SUMF1: variants seen among roughly 807,000 people sequenced by gnomAD.
The protein encoded by SUMF1 is sulfatase modifying factor 1, also known as formylglycine-generating enzyme.
A neutral mutation model predicts 47.6 loss-of-function variants in SUMF1; 48 were observed. The ratio of observed to expected loss-of-function variants is 1.01; its 90% CI spans 0.80 to 1.28. The LOEUF (loss-of-function observed/expected upper bound fraction) is 1.28, where lower values mean the gene tolerates loss of function less well. Among genes scored for constraint, SUMF1 ranks in the 50% most tolerant of loss-of-function variants. The pLI is 0.00. For missense variants in SUMF1, 571 were observed against 485.4 expected (o/e 1.18, Z -1.66); for synonymous variants, 230 against 192.1 (o/e 1.20, Z -1.63).
intron 8 of SUMF1, among the ~76,000 whole-genome samples, chr3:4,208,986 G>T (rs993084396): frequency 1.3e-5 from 2 of 152,114 alleles, no homozygotes; most frequent in African/African-American, 4.8e-5. Flanking sequence ...TGTCAGCTTT[G>T]TCTGGCTTCA....
chr3:4,285,278 C>T (rs1279469038), intron 8 of SUMF1, among the ~76,000 whole-genome samples: 2 of 152,134 alleles, frequency 1.3e-5, no homozygotes, highest in Non-Finnish European at 1.5e-5. Flanking sequence ...ATAATACTTG[C>T]ATTACTCCTA....
chr3:4,278,384 T>C (rs575992347), intron 8 of SUMF1, among the ~76,000 whole-genome samples: 9 of 152,232 alleles, frequency 5.9e-5, no homozygotes, highest in Admixed American at 1.3e-4. Context: ...TTACCTTTAA[T>C]GAAAGGTCAT....
chr3:4,074,809 T>A (rs1290285379), intron 8 of SUMF1, among the ~76,000 whole-genome samples: 2 of 152,064 alleles, frequency 1.3e-5, no homozygotes, highest in Non-Finnish European at 2.9e-5. Context: ...AATCTCTGAA[T>A]AGACCAATGA....
intron 2 of SUMF1, among the ~76,000 whole-genome samples, chr3:4,450,474 A>C (rs1395359903): frequency 6.6e-6 from 1 of 152,122 alleles, no homozygotes; most frequent in East Asian, 1.9e-4. Context: ...TTCTTCCTGC[A>C]TTCCCTTGTG....
At chr3:4,041,277 G>A (rs1192925746) in intron 9 of SUMF1, among the ~76,000 whole-genome samples, 1 of 152,084 alleles carries the variant, frequency 6.6e-6, no homozygotes, top group Admixed American at 6.6e-5. Context: ...TCACCATGTT[G>A]GCCAGGCTGG....
intron 8 of SUMF1, among the ~76,000 whole-genome samples, chr3:4,138,081 ATACT>A (rs1192204419): frequency 2.0e-5 from 3 of 152,076 alleles, no homozygotes; most frequent in Non-Finnish European, 4.4e-5. Context: ...AAAAAATAAA[ATACT>A]TAGGAATAAA....
chr3:4,183,571 G>A (rs1180368532), intron 8 of SUMF1, among the ~76,000 whole-genome samples: 2 of 152,128 alleles, frequency 1.3e-5, no homozygotes, highest in African/African-American at 4.8e-5. Context: ...AATTTAATTT[G>A]AGAGTTAACT....
chr3:4,040,790 G>A (rs553225509), intron 9 of SUMF1, among the ~76,000 whole-genome samples: 78 of 152,174 alleles, frequency 5.1e-4, no homozygotes, highest in Non-Finnish European at 8.5e-4. Flanking sequence ...TAGATGCAGA[G>A]TAACTAGAAC....
At chr3:4,217,954 T>G (rs920976140) in intron 8 of SUMF1, among the ~76,000 whole-genome samples, 1 of 152,080 alleles carries the variant, frequency 6.6e-6, no homozygotes, top group Non-Finnish European at 1.5e-5. Flanking sequence ...GAATCTCACC[T>G]TGAAATCCTG....
At chr3:4,279,655 CA>C (rs1323711815) in intron 8 of SUMF1, among the ~76,000 whole-genome samples, 17 of 143,526 alleles carry the variant, frequency 1.2e-4, no homozygotes, top group Middle Eastern at 3.4e-3. Flanking sequence ...GCAATAAATG[CA>C]AAAAAAAAAT....
Position 4,115,546 on chromosome 3 carries a change from C to G in SUMF1, c.1015-46801G>C, listed in dbSNP as rs576872312. The stretch of plus-strand genomic sequence containing the variant: ...GTAGATGCTGCCTTGGGGTCAGAGC[C>G]CAAAAACGCTCCTCACGACCTGCCA... On this transcript the variant is annotated intron_variant and NMD_transcript_variant, in intron 8 of 12. Coordinates refer to the SUMF1 transcript ENST00000448413. 9.6e-5 allele frequency among the ~76,000 whole-genome samples: 14 copies of G among 145,882 alleles called. No individual in the cohort carries two copies. The South Asian group carries it at 3.0e-3, about 32-fold the overall frequency.
chr3:4,053,977 T>C (rs184089562), intron 9 of SUMF1, among the ~76,000 whole-genome samples: 24 of 152,258 alleles, frequency 1.6e-4, no homozygotes, highest in Admixed American at 1.1e-3. Flanking sequence ...TGACCTATTC[T>C]GTGGGTTAAA....
chr3:4,329,044 C>A (rs1475668871), intron 8 of SUMF1, among the ~76,000 whole-genome samples: 1 of 152,214 alleles, frequency 6.6e-6, no homozygotes, highest in African/African-American at 2.4e-5. Flanking sequence ...ACATCCAGGT[C>A]ATGCTGATGC....
chr3:4,142,717 G>C (rs990946744), intron 8 of SUMF1, among the ~76,000 whole-genome samples: 1 of 151,944 alleles, frequency 6.6e-6, no homozygotes, highest in Non-Finnish European at 1.5e-5. Flanking sequence ...TTGAATTACA[G>C]ACTGCTTAAG....
chr3:4,257,617 C>G (rs1211575381), intron 8 of SUMF1, among the ~76,000 whole-genome samples: 3 of 126,690 alleles, frequency 2.4e-5, no homozygotes, highest in African/African-American at 8.6e-5. Flanking sequence ...AAAGAGGATA[C>G]AAACAAATGG....
chr3:4,217,901 G>A (rs914935094), intron 8 of SUMF1, among the ~76,000 whole-genome samples: 3 of 151,910 alleles, frequency 2.0e-5, no homozygotes, highest in Non-Finnish European at 2.9e-5. Flanking sequence ...AGATAGGTAA[G>A]GTCTGATTTG....
intron 8 of SUMF1, among the ~76,000 whole-genome samples, chr3:4,182,408 ATTATT>A (rs1442060980): frequency 6.7e-6 from 1 of 148,456 alleles, no homozygotes; most frequent in African/African-American, 2.4e-5. Context: ...ATTTATTTAT[ATTATT>A]TTATTATTAT....
chr3:4,460,599 A>AGTGT (rs144375913), intron 1 of SUMF1, among the ~76,000 whole-genome samples: 2,545 of 143,582 alleles, frequency 0.018, 27 homozygotes, highest in Middle Eastern at 0.043. Context: ...TCACACACAC[A>AGTGT]GTGTGTGTGT....
intron 7 of SUMF1, among the ~76,000 whole-genome samples, chr3:4,392,738 T>C (rs1700914493): frequency 6.7e-6 from 1 of 148,456 alleles, no homozygotes; most frequent in South Asian, 2.1e-4. Flanking sequence ...AGGTTTTTGT[T>C]CTGTTTTGTT....
Sources: gnomAD v4.1 joint callset for allele counts (sites outside exome capture counted in the v4.1 genomes callset) on GRCh38, gnomAD v4.1.1 for gene constraint, MANE v1.5 for transcripts, NCBI Gene and HGNC (gene_info 2026-07-23, HGNC 2026-07-21) for gene names.